MTA1: variants seen among roughly 807,000 people sequenced by gnomAD.
MTA1 encodes metastasis associated 1.
Under a neutral mutation model 97.0 loss-of-function variants are expected in MTA1, and 15 were observed. The ratio of observed to expected loss-of-function variants is 0.15; its 90% CI spans 0.10 to 0.24. The LOEUF (loss-of-function observed/expected upper bound fraction) is 0.24, where lower values mean the gene tolerates loss of function less well. Among genes scored for constraint, MTA1 ranks in the 10% least tolerant of loss-of-function variants. The pLI is 1.00. For missense variants in MTA1, 709 were observed against 1,015.1 expected (o/e 0.70, Z 4.10); for synonymous variants, 435 against 417.5 (o/e 1.04, Z -0.51).
chr14:105,448,066 C>T (rs962542383), intron 3 of MTA1, among the ~76,000 whole-genome samples: 25 of 152,262 alleles, frequency 1.6e-4, no homozygotes, highest in Non-Finnish European at 2.4e-4. Flanking sequence ...GCCCTCCCCC[C>T]GGCAGGGCTG....
Position 105,450,126 on chromosome 14 carries a change from C to T in MTA1, c.310C>T (p.Arg104Trp), listed in dbSNP as rs782147516. Residue 104 changes from arginine to tryptophan, a missense_variant, in exon 5 of 21, where the codon CGG becomes TGG. By Grantham distance (101) the Arg-to-Trp change is moderately radical (BLOSUM62 -3). This residue lies in a region of MTA1 where 321 missense variants were observed against 593.5 expected (regional missense o/e 0.54). Transcript: ENST00000331320. ...DLPEKLKHQLRHRELFLSRQL... is the reference protein window; with the variant it reads ...DLPEKLKHQLWHRELFLSRQL... ...GCCCGAGAAACTAAAGCACCAGCTG[C>T]GGCATCGGGAGCTGTTCCTCTCCCG... 1.4e-5 allele frequency: 23 copies of T among 1,613,196 alleles called. No individual in the cohort carries two copies. The highest frequency in any genetic ancestry group is 2.2e-5 in the South Asian group (2 of 91,088).
chr14:105,423,215 ATTTTTTTTT>A, intron 1 of MTA1, among the ~76,000 whole-genome samples: 1 of 113,560 alleles, frequency 8.8e-6, no homozygotes, highest in South Asian at 2.8e-4. Flanking sequence ...TTTTTGTTTA[ATTTTTTTTT>A]TTTTTTTTTT....
intron 18 of MTA1, chr14:105,467,528 C>T (rs1295354428): frequency 3.1e-5 from 14 of 455,020 alleles, no homozygotes; most frequent in African/African-American, 1.0e-4. Flanking sequence ...GTCAGCACGC[C>T]GGCTGCAGCG....
Position 105,466,427 on chromosome 14 carries a change from G to GGGGCCCCCCCCCCCC in MTA1, c.1626_1627insGGGCCCCCCCCCCCC (p.Glu542_Thr543insGlyProProProPro). 6.3e-7 allele frequency: 1 copy of GGGGCCCCCCCCCCCC among 1,592,106 alleles called. No homozygotes were observed. Among genetic ancestry groups the GGGGCCCCCCCCCCCC allele is most frequent in the Non-Finnish European group, 8.6e-7 (1 of 1,165,320 alleles). On this transcript the variant is annotated inframe_insertion and splice_region_variant, in exon 17 of 21. Transcript: ENST00000331320. ...TTCTGCCTGTGTCATTCCCGGCAGA[G>GGGGCCCCCCCCCCCC]ACCCACCCCCGCCCCCCCAAGCCTG...
chr14:105,460,698 G>T (rs967942000), intron 9 of MTA1, 67 bp from the exon 10 acceptor site: 7 of 1,456,328 alleles, frequency 4.8e-6, no homozygotes, highest in Non-Finnish European at 6.4e-6. Flanking sequence ...CTGAGGGAGG[G>T]GGTACCGTGC....
At chr14:105,439,104 C>T (rs1028806117) in intron 2 of MTA1, among the ~76,000 whole-genome samples, 1 of 101,892 alleles carries the variant, frequency 9.8e-6, no homozygotes, top group Non-Finnish European at 2.1e-5. Flanking sequence ...CTCGGTGCCC[C>T]TGCCCTGCCC....
intron 3 of MTA1, among the ~76,000 whole-genome samples, chr14:105,446,868 C>T (rs935695838): frequency 1.3e-5 from 2 of 152,120 alleles, no homozygotes; most frequent in Non-Finnish European, 2.9e-5. Context: ...CTTTCTCTGG[C>T]TTTGTGAGGA....
At chr14:105,441,372 G>A (rs1332681884) in intron 2 of MTA1, among the ~76,000 whole-genome samples, 2 of 152,180 alleles carry the variant, frequency 1.3e-5, no homozygotes, top group Non-Finnish European at 2.9e-5. Context: ...CGCTACCCCA[G>A]CACCCATGGG....
At position 105,420,588 on chromosome 14, in the gene MTA1, C is replaced by T. The variant is rs1445788204; in HGVS notation, c.28+525C>T. Among the ~76,000 whole-genome samples, 1 of 152,220 alleles carries T rather than the reference C, an allele frequency of 6.6e-6. No homozygotes were observed. The highest frequency in any genetic ancestry group is 1.5e-5 in the Non-Finnish European group (1 of 68,018). On this transcript the variant is annotated intron_variant, in intron 1 of 20. Coordinates refer to ENST00000331320, the MANE Select transcript of MTA1 (RefSeq NM_004689.4). This position sits in a 1 kb window ranked among gnomAD's most constrained non-coding sequence, Gnocchi z 5.3. ...CCCCGGGGCTTCCCCCAGCAGGGATCCCTCAGGGGGTCTTCAGCAGGGAGC... is the reference window on the plus strand; with the variant it reads ...CCCCGGGGCTTCCCCCAGCAGGGATTCCTCAGGGGGTCTTCAGCAGGGAGC...
chr14:105,470,616 C>T lies in MTA1; in HGVS notation c.*401C>T, dbSNP rs116496317. 0.018 allele frequency: 3,042 copies of T among 171,000 alleles called. 102 individuals carry two copies. The highest frequency in any genetic ancestry group is 0.065 in the African/African-American group (2,757 of 42,292). 10.6% of individuals were successfully genotyped at this position (171,000 alleles called of 1,614,324 possible). ...TAACTTACACCTGGAATGTTAGGAT[C>T]GTGCGGCCGCGGCCGGCCGAGCTGC... On this transcript the variant is annotated 3_prime_UTR_variant, in exon 21 of 21. Transcript: ENST00000331320.
chr14:105,440,940 C>T (rs1400767443), intron 2 of MTA1, among the ~76,000 whole-genome samples: 9 of 152,214 alleles, frequency 5.9e-5, no homozygotes, highest in African/African-American at 1.9e-4. Flanking sequence ...TGGGGCTCTG[C>T]ACCCACAGGG....
At chr14:105,455,339 G>A (rs1555429641) in intron 7 of MTA1, among the ~76,000 whole-genome samples, 4 of 152,206 alleles carry the variant, frequency 2.6e-5, no homozygotes. Context: ...TGCTCACCCC[G>A]GATGCTGGCA....
chr14:105,448,209 G>A (rs2082785069), intron 3 of MTA1, among the ~76,000 whole-genome samples: 1 of 152,100 alleles, frequency 6.6e-6, no homozygotes, highest in East Asian at 1.9e-4. Flanking sequence ...ACGCTTAGGG[G>A]TGTATCCAGG....
chr14:105,464,369 C>A, intron 13 of MTA1, 47 bp from the exon 14 acceptor site: 1 of 1,604,290 alleles, frequency 6.2e-7, no homozygotes, highest in Non-Finnish European at 8.5e-7. Flanking sequence ...TCTGACATCG[C>A]TGGTTCTGCT....
chr14:105,462,279 C>T (rs2083386721), intron 10 of MTA1, among the ~76,000 whole-genome samples: 1 of 152,174 alleles, frequency 6.6e-6, no homozygotes, highest in South Asian at 2.1e-4. Flanking sequence ...TTTCTTAAAT[C>T]CATGCCACAG....
At chr14:105,458,128 G>C (rs971230927) in intron 7 of MTA1, 142 bp from the exon 8 acceptor site, 11 of 663,284 alleles carry the variant, frequency 1.7e-5, no homozygotes, top group Non-Finnish European at 2.6e-5. Context: ...CCTCCGTCCA[G>C]CCTTGCACCC....
rs1427160910 is a variant in MTA1 at position 105,470,289 on chromosome 14, C to G, written c.*74C>G. On this transcript the variant is annotated 3_prime_UTR_variant, in exon 21 of 21. Transcript: ENST00000331320. Reference sequence around the variant, plus strand: ...GCCCCTTCCCAGCCAGCCCGCCGCCCGCCCCTCAGTTTGGTAGTGCCCCAC... The same window carrying G: ...GCCCCTTCCCAGCCAGCCCGCCGCCGGCCCCTCAGTTTGGTAGTGCCCCAC... 1.5e-6 allele frequency: 2 copies of G among 1,302,482 alleles called. No homozygotes were observed. The highest frequency in any genetic ancestry group is 3.2e-5 in the East Asian group (1 of 31,566). The allele number at this position is 1,302,482 out of a possible 1,614,324, so 80.7% of individuals were successfully genotyped here. A position where few individuals can be genotyped will look rare whatever the true frequency, so the allele number is the denominator to read the frequency against.
intron 1 of MTA1, among the ~76,000 whole-genome samples, chr14:105,425,702 T>C (rs2141403213): frequency 7.0e-6 from 1 of 141,884 alleles, no homozygotes; most frequent in African/African-American, 2.6e-5. Context: ...GCTCCATTCC[T>C]GTCCCGGTGG....
At chr14:105,450,422 C>T (rs1043038989) in intron 6 of MTA1, 98 bp downstream of exon 6, 25 of 1,330,550 alleles carry the variant, frequency 1.9e-5, no homozygotes, top group Non-Finnish European at 2.4e-5. Flanking sequence ...GACGATTTTC[C>T]CTCCTCCCTC....
Sources: gnomAD v4.1 joint callset for allele counts (sites outside exome capture counted in the v4.1 genomes callset) on GRCh38, gnomAD v4.1.1 for gene constraint, gnomAD v4.1.1 regional missense constraint, Gnocchi (gnomAD v3.1) non-coding constraint, MANE v1.5 for transcripts, NCBI Gene and HGNC (gene_info 2026-07-23, HGNC 2026-07-21) for gene names.